The following CIITA variants were observed in gnomAD, a reference collection of about 807,000 sequenced individuals.
CIITA encodes the protein MHC class II transactivator.
In CIITA, 72 loss-of-function variants were observed where a neutral mutation model predicts 115.1. The observed-to-expected ratio is 0.63, with a 90% CI of 0.52 to 0.76. CIITA has a LOEUF of 0.76. Ranked by LOEUF, CIITA falls within the 30% of genes least tolerant of loss-of-function variation. CIITA has a pLI of 0.00. For missense variants in CIITA, 1,617 were observed against 1,463.8 expected, an observed-to-expected ratio of 1.10 and a Z score of -1.71; for synonymous variants, 763 against 635.6, an observed-to-expected ratio of 1.20 and a Z score of -3.02.
At position 10,906,527 on chromosome 16, in the gene CIITA, G is replaced by A; in HGVS notation, c.1035G>A (p.Leu345=). 1 of 1,612,330 alleles carries A rather than the reference G, an allele frequency of 6.2e-7. No homozygotes were observed. Among genetic ancestry groups the A allele is most frequent in the Non-Finnish European group, 8.5e-7 (1 of 1,179,942 alleles). ...PEPVEQFYRS[L]QDTYGAEPAG... ...CGGTGGAGCAGTTCTACCGCTCACT[G>A]CAGGACACGTATGGTGCCGAGCCCG... is the stretch of plus-strand genomic sequence containing the variant. The change falls in exon 11 of 20, where the codon CTG becomes CTA. Residue 345 remains leucine, a synonymous_variant. Coordinates refer to ENST00000324288, the MANE Select transcript of CIITA (RefSeq NM_000246.4).
rs1465112029 is a variant in CIITA at position 10,911,364 on chromosome 16, CTGTT to C, written c.2888+1107_2888+1110del. Among the ~76,000 whole-genome samples, 318 of 59,478 alleles carry C rather than the reference CTGTT, an allele frequency of 5.3e-3. 4 individuals carry two copies. The highest frequency in any genetic ancestry group is 0.017 in the African/African-American group (299 of 17,344). The allele number at this position is 59,478 out of a possible 152,430, so 39.0% of individuals were successfully genotyped here. A position where few individuals can be genotyped will look rare whatever the true frequency, so the allele number is the denominator to read the frequency against. ...CCCCTTTTCTTCTTTTTCTTTCTCT[CTGTT>C]TCTTTCTTTCTTTCTCTCTCTCTCT... On this transcript the variant is annotated intron_variant, in intron 13 of 19. Transcript: ENST00000324288.
rs1481891990 is a variant in CIITA at position 10,929,436 on chromosome 16, C to T, written c.*5581C>T. 3.0e-6 allele frequency: 3 copies of T among 985,874 alleles called. No individual in the cohort carries two copies. The highest frequency in any genetic ancestry group is 2.4e-6 in the Non-Finnish European group (2 of 829,960). 61.1% of individuals were successfully genotyped at this position (985,874 alleles called of 1,614,324 possible). On this transcript the variant is annotated 3_prime_UTR_variant, in exon 20 of 20. Transcript: ENST00000324288. This position sits in a 1 kb window ranked among gnomAD's most constrained non-coding sequence, Gnocchi z 4.3. ...AGATGAGGTCTTGGGATGCCTCTTG[C>T]GTTCCCCCTTCTGTGGGAGCAGGTG...
rs1473470610 is a variant in CIITA, at chr16:10,936,079, C to G, written c.*12224C>G. ...AATAATAACTCACTGCAGCCTTGAA[C>G]TCCCGGACTCAAGCAATCCTCCTGC... On this transcript the variant is annotated 3_prime_UTR_variant, in exon 20 of 20. Coordinates refer to ENST00000324288, the MANE Select transcript of CIITA (RefSeq NM_000246.4). The G allele has an allele frequency of 6.6e-6, 1 of 151,528 alleles. No homozygotes were observed. Among genetic ancestry groups the G allele is most frequent in the Non-Finnish European group, 1.5e-5 (1 of 67,926 alleles). 9.4% of individuals were successfully genotyped at this position (151,528 alleles called of 1,614,324 possible). A position where few individuals can be genotyped will look rare whatever the true frequency, so the allele number is the denominator to read the frequency against.
intron 1 of CIITA, among the ~76,000 whole-genome samples, chr16:10,878,197 T>C (rs1049090076): frequency 3.9e-4 from 59 of 152,280 alleles, no homozygotes; most frequent in African/African-American, 1.4e-3. Flanking sequence ...GTATCCCTTT[T>C]CTCAGACTCC....
At chr16:10,917,448 A>G (rs1389060354) in intron 15 of CIITA, among the ~76,000 whole-genome samples, 1 of 148,904 alleles carries the variant, frequency 6.7e-6, no homozygotes, top group Non-Finnish European at 1.5e-5. Flanking sequence ...TACTGGGATT[A>G]CAGGCATGAG....
In CIITA at chr16:10,907,374, G is replaced by A. The variant is rs759957870; in HGVS notation, c.1882G>A (p.Gly628Arg). 6.2e-7 allele frequency: 1 copy of A among 1,613,426 alleles called. No homozygotes were observed. The highest frequency in any genetic ancestry group is 8.5e-7 in the Non-Finnish European group (1 of 1,179,970). Residue 628 changes from glycine (G) to arginine (R), a missense_variant, in exon 11 of 20, where the codon GGG becomes AGG. By Grantham distance (125) the Gly-to-Arg change is moderately radical. Transcript: ENST00000324288. This position sits in a 1 kb window ranked among gnomAD's most constrained non-coding sequence, Gnocchi z 5.0. ...GCTCTCAGAGGCCCTGCTGGAGCTTGGGGAGGACGCCAAGCTGCCCTCCAC... is the reference window on the plus strand; with the variant it reads ...GCTCTCAGAGGCCCTGCTGGAGCTTAGGGAGGACGCCAAGCTGCCCTCCAC... ...CQLSEALLEL[G>R]EDAKLPSTLT...
At chr16:10,872,279 T>C (rs761322591), upstream of CIITA, among the ~76,000 whole-genome samples, 4 of 151,988 alleles carry the variant, frequency 2.6e-5, no homozygotes, top group Non-Finnish European at 4.4e-5. Context: ...CCTGCCACCA[T>C]GCCGAGCTAA....
At chr16:10,888,669 A>G (rs1359195901) in intron 1 of CIITA, 1 of 152,266 alleles carries the variant, frequency 6.6e-6, no homozygotes, top group Non-Finnish European at 1.5e-5. Context: ...TGGATGTGGA[A>G]GGTGGTGGCC....
In CIITA at chr16:10,927,051, T is replaced by G. The variant is rs2040560762; in HGVS notation, c.*3196T>G. ...CTTACTTATGCAAGCTAGTTCTCTGTGCCTCAGTCTCCTCATTTGTAAAAT... is the reference window on the plus strand; with the variant it reads ...CTTACTTATGCAAGCTAGTTCTCTGGGCCTCAGTCTCCTCATTTGTAAAAT... On this transcript the variant is annotated 3_prime_UTR_variant, in exon 20 of 20. Coordinates refer to ENST00000324288, the MANE Select transcript of CIITA (RefSeq NM_000246.4). 1 of 152,272 alleles carries G rather than the reference T, an allele frequency of 6.6e-6. No individual in the cohort carries two copies. The highest frequency in any genetic ancestry group is 2.4e-5 in the African/African-American group (1 of 41,472). The allele number at this position is 152,272 out of a possible 1,614,324, so 9.4% of individuals were successfully genotyped here.
At chr16:10,877,485 G>C (rs1398088801) in intron 1 of CIITA, 103 bp downstream of exon 1, 1 of 1,191,770 alleles carries the variant, frequency 8.4e-7, no homozygotes, top group Non-Finnish European at 1.2e-6. Flanking sequence ...TGGGGGTGAG[G>C]ATGGGAACAG....
At position 10,906,891 on chromosome 16, in the gene CIITA, G is replaced by T; in HGVS notation, c.1399G>T (p.Asp467Tyr). The T allele has an allele frequency of 6.2e-7, 1 of 1,613,514 alleles. No homozygotes were observed. The highest frequency in any genetic ancestry group is 1.6e-4 in the Middle Eastern group (1 of 6,062). ...TCCGGGGGATGCCTATGGCCTGCAG[G>T]ATCTGCTCTTCTCCCTGGGCCCACA... is the stretch of plus-strand genomic sequence containing the variant. ...NRPGDAYGLQ[D>Y]LLFSLGPQPL... Residue 467 changes from aspartate to tyrosine, a missense_variant, in exon 11 of 20, where the codon GAT (aspartate) becomes TAT (tyrosine). Coordinates refer to ENST00000324288, the MANE Select transcript of CIITA (RefSeq NM_000246.4).
rs1213887196 is a variant in CIITA, at chr16:10,901,528, C to A, written c.451C>A (p.Leu151Ile). Residue 151 changes from leucine to isoleucine, a missense_variant, in exon 6 of 20, where the codon CTT (leucine) becomes ATT (isoleucine). Transcript: ENST00000324288. The surrounding 1 kb of genome is among the most constrained non-coding windows in gnomAD (Gnocchi z 6.8). ...TTTCTCTGCAGCCTTCCCAGAGGAGCTTCCGGCAGACCTGAAGCACTGGAA... is the reference window on the plus strand; with the variant it reads ...TTTCTCTGCAGCCTTCCCAGAGGAGATTCCGGCAGACCTGAAGCACTGGAA... The part of the protein sequence containing the change: ...KSQKRPFPEE[L>I]PADLKHWKPA... 8.1e-6 allele frequency: 13 copies of A among 1,614,120 alleles called. No homozygotes were observed. The highest frequency in any genetic ancestry group is 2.2e-5 in the East Asian group (1 of 44,874).
chr16:10,896,178 G>A (rs569303818), intron 3 of CIITA, among the ~76,000 whole-genome samples: 84 of 152,222 alleles, frequency 5.5e-4, no homozygotes, highest in Admixed American at 1.3e-3. Context: ...GCTCATTGCT[G>A]TCCATACATT....
At chr16:10,909,254 CAA>C in intron 12 of CIITA, 67 bp downstream of exon 12, 5 of 1,551,226 alleles carry the variant, frequency 3.2e-6, no homozygotes, top group Non-Finnish European at 4.4e-6. Context: ...GACCCATTCT[CAA>C]GTTTGTCATG....
chr16:10,910,297 A>G, intron 13 of CIITA, 38 bp downstream of exon 13: 2 of 1,556,026 alleles, frequency 1.3e-6, no homozygotes, highest in Non-Finnish European at 1.8e-6. Context: ...GGTCTGCGCA[A>G]GGTTTCCCCT....
chr16:10,891,981 T>C (rs2037636307), intron 1 of CIITA, among the ~76,000 whole-genome samples: 1 of 152,162 alleles, frequency 6.6e-6, no homozygotes, highest in African/African-American at 2.4e-5. Context: ...TCCGGGGGTC[T>C]GTGCTGAGCC....
chr16:10,889,706 ACGGGATTT>A (rs1189406057), intron 1 of CIITA, among the ~76,000 whole-genome samples: 1 of 151,938 alleles, frequency 6.6e-6, no homozygotes, highest in African/African-American at 2.4e-5. Context: ...TTTAGTAGAG[ACGGGATTT>A]CACCATGTTG....
chr16:10,877,457 A>G, intron 1 of CIITA, 75 bp downstream of exon 1: 2 of 1,463,450 alleles, frequency 1.4e-6, no homozygotes, highest in South Asian at 2.4e-5. Flanking sequence ...AAACAGAGAA[A>G]CCATTCTGAA....
In CIITA at chr16:10,919,279, TGCC is replaced by T. The variant is rs900365133; in HGVS notation, c.3149+754_3149+756del. Among the ~76,000 whole-genome samples the T allele has an allele frequency of 2.2e-3, 13 of 5,952 alleles. No homozygotes were observed. The Admixed American group carries it at 0.05, about 23-fold the overall frequency. 3.9% of individuals were successfully genotyped at this position (5,952 alleles called of 152,430 possible). On this transcript the variant is annotated intron_variant, in intron 16 of 19. Transcript: ENST00000324288. ...TGTGATCTCAGCTCACTGCAACTTC[TGCC>T]CCCCCCCAGGTTCAAGCTATTCGCC...
Sources: allele counts gnomAD v4.1 joint callset (sites outside exome capture counted in the v4.1 genomes callset), GRCh38; gene constraint gnomAD v4.1.1; non-coding constraint Gnocchi (gnomAD v3.1); transcripts MANE v1.5; gene names NCBI Gene and HGNC (gene_info 2026-07-23, HGNC 2026-07-21).